PITPNC1: variants seen among roughly 807,000 people sequenced by gnomAD.
The protein encoded by PITPNC1 is cytoplasmic phosphatidylinositol transfer protein 1.
Under a neutral mutation model 44.7 loss-of-function variants are expected in PITPNC1, and 18 were observed. The observed-to-expected ratio is 0.40, with a 90% confidence interval of 0.28 to 0.60. The LOEUF is 0.60. PITPNC1 is among the 20% of genes least tolerant of loss of function. The pLI is 0.39. For missense variants in PITPNC1, 290 were observed against 418.4 expected (o/e 0.69, Z 2.68); for synonymous variants, 141 against 149.6 (o/e 0.94, Z 0.42).
chr17:67,434,603 G>A (rs1292500592), intron 1 of PITPNC1, among the ~76,000 whole-genome samples: 1 of 152,114 alleles, frequency 6.6e-6, no homozygotes, highest in East Asian at 1.9e-4. Context: ...TTGAGGCCAG[G>A]AGTTCAAGAC....
chr17:67,466,978 G>A (rs1266479103), intron 1 of PITPNC1, among the ~76,000 whole-genome samples: 2 of 150,628 alleles, frequency 1.3e-5, no homozygotes, highest in Non-Finnish European at 3.0e-5. Flanking sequence ...GGGCATTCTT[G>A]TGTTAAGGAC....
At chr17:67,572,752 CAAA>C (rs565344192) in intron 4 of PITPNC1, among the ~76,000 whole-genome samples, 5 of 99,654 alleles carry the variant, frequency 5.0e-5, no homozygotes, top group African/African-American at 3.7e-5. Context: ...GTACCATGGC[CAAA>C]AAAAAAAAAA....
At chr17:67,389,926 A>G (rs1598606789) in intron 1 of PITPNC1, among the ~76,000 whole-genome samples, 1 of 151,946 alleles carries the variant, frequency 6.6e-6, no homozygotes, top group African/African-American at 2.4e-5. Context: ...TGATCCACCC[A>G]CCTCGGCCTC....
chr17:67,537,149 A>C (rs191625309), intron 2 of PITPNC1, among the ~76,000 whole-genome samples: 1 of 152,354 alleles, frequency 6.6e-6, no homozygotes, highest in Non-Finnish European at 1.5e-5. Flanking sequence ...CTGTGTACTT[A>C]TTCAGAGTAA....
intron 4 of PITPNC1, among the ~76,000 whole-genome samples, chr17:67,576,000 C>T (rs1445766487): frequency 2.0e-5 from 3 of 150,828 alleles, no homozygotes; most frequent in African/African-American, 7.3e-5. Context: ...CCTCAGCCTC[C>T]CAAGTAGCTG....
intron 5 of PITPNC1, among the ~76,000 whole-genome samples, chr17:67,605,772 A>T (rs893606978): frequency 6.6e-6 from 1 of 152,188 alleles, no homozygotes; most frequent in Non-Finnish European, 1.5e-5. Context: ...TCAGGACATC[A>T]AGTGAAGCCA....
intron 1 of PITPNC1, among the ~76,000 whole-genome samples, chr17:67,470,137 GTT>G: frequency 6.6e-6 from 1 of 152,220 alleles, no homozygotes; most frequent in Admixed American, 6.5e-5. Flanking sequence ...CGGCCAGGCT[GTT>G]TTCAAGCTCC....
intron 7 of PITPNC1, among the ~76,000 whole-genome samples, chr17:67,673,046 G>C (rs1486871838): frequency 6.6e-6 from 1 of 152,252 alleles, no homozygotes; most frequent in Admixed American, 6.5e-5. Flanking sequence ...CCATGAATTT[G>C]AGACACTCAG....
At chr17:67,467,054 A>ATTT (rs10623552) in intron 1 of PITPNC1, among the ~76,000 whole-genome samples, 1,687 of 95,274 alleles carry the variant, frequency 0.018, 77 homozygotes, top group South Asian at 0.037. Context: ...CAGTTAGGAG[A>ATTT]TTTTTTTTTT....
rs2040315161 is a variant in PITPNC1 at position 67,520,749 on chromosome 17, G to A, written c.49-12053G>A. ...TGCTTCTAGAGCCAACTGCCCTTGTGGTTTCGAGTTGAGTTCTGGCAGTTC... is the reference window on the plus strand; with the variant it reads ...TGCTTCTAGAGCCAACTGCCCTTGTAGTTTCGAGTTGAGTTCTGGCAGTTC... On this transcript the variant is annotated intron_variant, in intron 1 of 8. Coordinates refer to ENST00000581322, the MANE Select transcript of PITPNC1 (RefSeq NM_012417.4). Among the ~76,000 whole-genome samples the A allele has an allele frequency of 2.0e-5, 3 of 152,102 alleles. No individual in the cohort carries two copies. In the South Asian group the frequency reaches 6.2e-4, roughly 32 times the overall value.
At chr17:67,505,740 G>A (rs2040092406) in intron 1 of PITPNC1, among the ~76,000 whole-genome samples, 2 of 152,144 alleles carry the variant, frequency 1.3e-5, no homozygotes, top group African/African-American at 4.8e-5. Flanking sequence ...CTCCCAAAGT[G>A]TTGGGATTAC....
chr17:67,677,852 G>A (rs1408343570), intron 8 of PITPNC1, among the ~76,000 whole-genome samples: 3 of 151,806 alleles, frequency 2.0e-5, no homozygotes, highest in South Asian at 2.1e-4. Context: ...TTACAGGCAT[G>A]AGCCACTGCG....
intron 1 of PITPNC1, among the ~76,000 whole-genome samples, chr17:67,488,954 A>G (rs548029847): frequency 3.4e-4 from 52 of 152,182 alleles, no homozygotes; most frequent in Non-Finnish European, 6.6e-4. Flanking sequence ...ATAATATTCC[A>G]TTGTACGGAT....
intron 5 of PITPNC1, among the ~76,000 whole-genome samples, chr17:67,585,555 C>A (rs1179777542): frequency 6.6e-6 from 1 of 152,134 alleles, no homozygotes; most frequent in Non-Finnish European, 1.5e-5. Flanking sequence ...GGAATCCCAG[C>A]ACTTTGGGAG....
At chr17:67,590,366 A>C (rs1023778897) in intron 5 of PITPNC1, among the ~76,000 whole-genome samples, 4 of 152,260 alleles carry the variant, frequency 2.6e-5, no homozygotes, top group African/African-American at 9.6e-5. Context: ...GTCGGAAGAC[A>C]ATAAGAATTG....
At chr17:67,631,395 T>C (rs371547613) in intron 5 of PITPNC1, among the ~76,000 whole-genome samples, 1,560 of 147,680 alleles carry the variant, frequency 0.011, 30 homozygotes, top group Admixed American at 0.043. Context: ...TTTGGGAGGC[T>C]GAGGCGGGCG....
At position 67,639,199 on chromosome 17, in the gene PITPNC1, A is replaced by T. The variant is rs148833588; in HGVS notation, c.462+6961A>T. Among the ~76,000 whole-genome samples, 20 of 152,328 alleles carry T rather than the reference A, an allele frequency of 1.3e-4. No homozygotes were observed. The East Asian group carries it at 3.9e-3, about 29-fold the overall frequency. On this transcript the variant is annotated intron_variant, in intron 6 of 8. Transcript: ENST00000581322. ...GCTCCAAAATGTCAAGTATGCCAAG[A>T]TCAATAAACCCTGACATGGACCAAT...
intron 1 of PITPNC1, among the ~76,000 whole-genome samples, chr17:67,395,026 A>G (rs984630828): frequency 1.3e-5 from 2 of 152,172 alleles, no homozygotes; most frequent in Non-Finnish European, 2.9e-5. Context: ...GAGACCCCAT[A>G]TCTATTTATG....
At chr17:67,400,958 G>A (rs1478968529) in intron 1 of PITPNC1, among the ~76,000 whole-genome samples, 2 of 151,708 alleles carry the variant, frequency 1.3e-5, no homozygotes, top group Non-Finnish European at 2.9e-5. Context: ...GTCTCACTCT[G>A]TCATGTCACC....
Sources: gnomAD v4.1 joint callset for allele counts (sites outside exome capture counted in the v4.1 genomes callset) on GRCh38, gnomAD v4.1.1 for gene constraint, MANE v1.5 for transcripts, NCBI Gene and HGNC (gene_info 2026-07-23, HGNC 2026-07-21) for gene names.